The following TENM3 variants were observed in gnomAD, a reference collection of about 807,000 sequenced individuals.
TENM3 encodes the protein teneurin-3.
Under a neutral mutation model 255.1 loss-of-function variants are expected in TENM3, and 63 were observed. The ratio of observed to expected loss-of-function variants is 0.25; its 90% CI spans 0.20 to 0.30. The LOEUF (loss-of-function observed/expected upper bound fraction) is 0.30, where lower values mean the gene tolerates loss of function less well. Ranked by LOEUF, TENM3 falls within the 10% of genes least tolerant of loss-of-function variation. The pLI is 1.00. For synonymous variants in TENM3, 1,306 were observed against 1,322.3 expected (o/e 0.99, Z 0.27); for missense variants, 2,929 against 3,461.1 (o/e 0.85, Z 3.86).
intron 3 of TENM3, among the ~76,000 whole-genome samples, chr4:182,570,762 G>A (rs1744275503): frequency 6.6e-6 from 1 of 152,024 alleles, no homozygotes; most frequent in Non-Finnish European, 1.5e-5. Flanking sequence ...CCTGGGAGGC[G>A]GAGCTTGCAG....
At chr4:182,035,572 T>C in the TENM3 span, among the ~76,000 whole-genome samples, 2 of 152,222 alleles carry the variant, frequency 1.3e-5, no homozygotes, top group Non-Finnish European at 2.9e-5. Context: ...TATGACATTA[T>C]CTATTGGCTA....
chr4:182,489,487 G>T (rs991501906), intron 3 of TENM3, among the ~76,000 whole-genome samples: 1 of 151,998 alleles, frequency 6.6e-6, no homozygotes, highest in Non-Finnish European at 1.5e-5. Context: ...TTTATAGGAC[G>T]GGGGTAAACA....
chr4:181,586,088 T>C, the TENM3 span, among the ~76,000 whole-genome samples: 1 of 152,200 alleles, frequency 6.6e-6, no homozygotes, highest in East Asian at 1.9e-4. Flanking sequence ...TCTTTGCATT[T>C]AACTAGGTGG....
chr4:181,547,380 G>A, the TENM3 span, among the ~76,000 whole-genome samples: 1 of 151,934 alleles, frequency 6.6e-6, no homozygotes. Flanking sequence ...ATTATTTAGA[G>A]GATCAATCCA....
the TENM3 span, among the ~76,000 whole-genome samples, chr4:181,500,019 T>C: frequency 6.6e-6 from 1 of 151,798 alleles, no homozygotes; most frequent in African/African-American, 2.4e-5. Context: ...CTGAAACTTT[T>C]GATGAAACAA....
chr4:181,575,631 G>T, the TENM3 span, among the ~76,000 whole-genome samples: 7 of 152,130 alleles, frequency 4.6e-5, no homozygotes, highest in Non-Finnish European at 7.4e-5. Flanking sequence ...TGAATTTGAA[G>T]AGCAAATTTT....
At chr4:181,622,533 G>A in the TENM3 span, among the ~76,000 whole-genome samples, 5 of 151,974 alleles carry the variant, frequency 3.3e-5, no homozygotes, top group South Asian at 2.1e-4. Context: ...AAAATTAGCC[G>A]AGTATGGTGG....
chr4:182,581,870 A>AT (rs1745526503), intron 3 of TENM3, among the ~76,000 whole-genome samples: 1 of 152,228 alleles, frequency 6.6e-6, no homozygotes, highest in African/African-American at 2.4e-5. Context: ...GAGTCTTGTC[A>AT]TTTTTTAAGT....
At chr4:182,435,912 A>G (rs1346982209) in intron 3 of TENM3, among the ~76,000 whole-genome samples, 1 of 151,930 alleles carries the variant, frequency 6.6e-6, no homozygotes, top group African/African-American at 2.4e-5. Flanking sequence ...TTTATATTTT[A>G]CTCTTTGGAA....
At chr4:181,768,122 T>G in the TENM3 span, among the ~76,000 whole-genome samples, 1 of 152,076 alleles carries the variant, frequency 6.6e-6, no homozygotes, top group South Asian at 2.1e-4. Flanking sequence ...TTTAGCAGAG[T>G]TTTGGATAAA....
At chr4:181,617,427 A>G in the TENM3 span, among the ~76,000 whole-genome samples, 1 of 152,226 alleles carries the variant, frequency 6.6e-6, no homozygotes, top group Admixed American at 6.5e-5. Flanking sequence ...AAAGGTAACA[A>G]ACATTTTAGC....
chr4:182,166,982 T>C (rs1751764486), intron 1 of TENM3, among the ~76,000 whole-genome samples: 1 of 152,176 alleles, frequency 6.6e-6, no homozygotes, highest in African/African-American at 2.4e-5. Context: ...CTGTGTTGGG[T>C]TTAAAATGAG....
intron 13 of TENM3, among the ~76,000 whole-genome samples, chr4:182,719,293 GCT>G (rs1759485671): frequency 9.3e-6 from 1 of 106,970 alleles, no homozygotes; most frequent in African/African-American, 3.8e-5. Context: ...ACGGAGTCTC[GCT>G]CTGTCTCCCA....
rs367692856 is a variant in TENM3 at position 182,392,165 on chromosome 4, G to A, written c.511+45236G>A. On this transcript the variant is annotated intron_variant, in intron 3 of 27. Transcript: ENST00000511685. ...GGGCACATTTTCATATAAGGCTGTG[G>A]GATGTGAACAGTGAAGGGTCGTTCT... 2.0e-5 allele frequency among the ~76,000 whole-genome samples: 3 copies of A among 152,148 alleles called. No homozygotes were observed. In the South Asian group the frequency reaches 6.2e-4, roughly 32 times the overall value.
chr4:182,559,127 A>ATTTTTTTTTTTTTTTTTTTTTTTTT (rs70956518), intron 3 of TENM3, among the ~76,000 whole-genome samples: 1 of 107,480 alleles, frequency 9.3e-6, no homozygotes, highest in African/African-American at 3.8e-5. Context: ...ATTCCTCGGG[A>ATTTTTTTTTTTTTTTTTTTTTTTTT]TTTTTTTTTT....
intron 1 of TENM3, chr4:182,169,241 T>G (rs984736377): frequency 2.1e-6 from 1 of 472,870 alleles, no homozygotes; most frequent in Non-Finnish European, 4.4e-6. Flanking sequence ...AGGTTGGTTC[T>G]GTTCCTTTAG....
At chr4:182,047,373 C>A in the TENM3 span, among the ~76,000 whole-genome samples, 1 of 151,806 alleles carries the variant, frequency 6.6e-6, no homozygotes, top group Non-Finnish European at 1.5e-5. Context: ...ACCATCCTGG[C>A]CAACATGGTG....
At chr4:181,675,235 C>T in the TENM3 span, among the ~76,000 whole-genome samples, 1 of 151,886 alleles carries the variant, frequency 6.6e-6, no homozygotes, top group Non-Finnish European at 1.5e-5. Context: ...GAAGATAGAG[C>T]TTTTTTTAAA....
chr4:181,673,936 G>T, the TENM3 span, among the ~76,000 whole-genome samples: 2 of 151,368 alleles, frequency 1.3e-5, no homozygotes, highest in African/African-American at 4.9e-5. Flanking sequence ...CATGATTGAG[G>T]TTGCAGTCTT....
Sources: gnomAD v4.1 joint callset for allele counts (sites outside exome capture counted in the v4.1 genomes callset) on GRCh38, gnomAD v4.1.1 for gene constraint, MANE v1.5 for transcripts, NCBI Gene and HGNC (gene_info 2026-07-23, HGNC 2026-07-21) for gene names.